The following SMYD3 variants were observed in gnomAD, a reference collection of about 807,000 sequenced individuals.
SMYD3 encodes SET and MYND domain containing 3, also known as histone-lysine N-methyltransferase SMYD3.
SMYD3 carries 36 observed loss-of-function variants against 57.7 expected under a neutral mutation model. The observed-to-expected ratio is 0.62, with a 90% confidence interval of 0.48 to 0.82. The LOEUF (loss-of-function observed/expected upper bound fraction) is 0.82, where lower values mean the gene tolerates loss of function less well. SMYD3 is among the 40% of genes least tolerant of loss of function. The pLI is 0.00. For synonymous variants in SMYD3, 211 were observed against 195.0 expected (o/e 1.08, Z -0.68); for missense variants, 515 against 538.8 (o/e 0.96, Z 0.44).
At position 246,376,126 on chromosome 1, in the gene SMYD3, G is replaced by A. The variant is rs187842747; in HGVS notation, c.165-21032C>T. ...CTATTTTGACACGTGATAAAGGAAT[G>A]TCTGGAAAACAGATATGGTCTGATT... On this transcript the variant is annotated intron_variant, in intron 1 of 11. Transcript: ENST00000490107. Among the ~76,000 whole-genome samples the A allele has an allele frequency of 2.6e-5, 4 of 152,182 alleles. No homozygotes were observed. In the East Asian group the frequency reaches 7.7e-4, roughly 29 times the overall value.
chr1:246,503,346 G>A (rs143580313), intron 1 of SMYD3, among the ~76,000 whole-genome samples: 66 of 152,290 alleles, frequency 4.3e-4, no homozygotes, highest in Non-Finnish European at 4.4e-5. Flanking sequence ...TTTGCCAGAA[G>A]TAACTCTTGA....
intron 1 of SMYD3, 85 bp downstream of exon 1, chr1:246,506,969 G>C: frequency 8.0e-7 from 1 of 1,249,870 alleles, no homozygotes; most frequent in Non-Finnish European, 1.1e-6. Flanking sequence ...CAGGAGTCCC[G>C]CGGCTGCCGG....
chr1:245,966,582 T>TG (rs1377386652), intron 5 of SMYD3, among the ~76,000 whole-genome samples: 1 of 152,228 alleles, frequency 6.6e-6, no homozygotes, highest in Non-Finnish European at 1.5e-5. Context: ...ACTAAAATCA[T>TG]GGACTATTTC....
At chr1:245,844,274 A>G (rs1046305973) in intron 10 of SMYD3, among the ~76,000 whole-genome samples, 3 of 152,218 alleles carry the variant, frequency 2.0e-5, no homozygotes, top group African/African-American at 7.2e-5. Context: ...GGTCATCCTC[A>G]GCTAGAAACT....
At position 246,316,541 on chromosome 1, in the gene SMYD3, GTTTTTTT is replaced by G. The variant is rs112553747; in HGVS notation, c.531+10653_531+10659del. 5.0e-4 allele frequency among the ~76,000 whole-genome samples: 54 copies of G among 107,340 alleles called. No homozygotes were observed. The Admixed American group carries it at 5.3e-3, about 11-fold the overall frequency. The allele number at this position is 107,340 out of a possible 152,430, so 70.4% of individuals were successfully genotyped here. On this transcript the variant is annotated intron_variant, in intron 5 of 11. Transcript: ENST00000490107. Reference sequence around the variant, plus strand: ...CGCCCAGCTAATTTTTGTTGTTTTGGTTTTTTTTTTTTTTTTTTTTGTAGAGACGGAG... The same window carrying G: ...CGCCCAGCTAATTTTTGTTGTTTTGGTTTTTTTTTTTTTGTAGAGACGGAG...
At chr1:246,273,948 T>G (rs2064281568) in intron 5 of SMYD3, among the ~76,000 whole-genome samples, 1 of 152,190 alleles carries the variant, frequency 6.6e-6, no homozygotes, top group South Asian at 2.1e-4. Flanking sequence ...ATTTCCTTCC[T>G]TCTGCTAGCT....
chr1:246,328,851 C>A (rs1048433006), intron 4 of SMYD3, among the ~76,000 whole-genome samples: 1 of 151,928 alleles, frequency 6.6e-6, no homozygotes, highest in Non-Finnish European at 1.5e-5. Context: ...TCCCCCCACC[C>A]CACAACAGTC....
intron 8 of SMYD3, among the ~76,000 whole-genome samples, chr1:245,874,550 C>T (rs376187566): frequency 5.6e-4 from 86 of 152,300 alleles, no homozygotes; most frequent in African/African-American, 2.0e-3. Flanking sequence ...ATAGCGTCCC[C>T]TAAGTCTTCA....
chr1:246,189,050 C>G (rs2062692571), intron 5 of SMYD3: 1 of 152,010 alleles, frequency 6.6e-6, no homozygotes, highest in African/African-American at 2.4e-5. Context: ...GCATGTCACC[C>G]TTGTACAGGA....
intron 8 of SMYD3, among the ~76,000 whole-genome samples, chr1:245,880,960 C>T (rs184212919): frequency 1.5e-4 from 23 of 152,156 alleles, no homozygotes; most frequent in Admixed American, 9.8e-4. Flanking sequence ...ACATTGAGTA[C>T]GGATACCCAC....
At chr1:245,787,744 T>C (rs938777796) in intron 10 of SMYD3, among the ~76,000 whole-genome samples, 5 of 152,146 alleles carry the variant, frequency 3.3e-5, no homozygotes, top group African/African-American at 1.2e-4. Flanking sequence ...CAATTTTTAA[T>C]AGGTAAAATT....
rs59746333 is a variant in SMYD3 at position 245,921,572 on chromosome 1, C to CATATATATATAT, written c.703-5933_703-5932insATATATATATAT. ...GTGTATATATATATATATATATATA[C>CATATATATATAT]ACATACCATGGAATAGTATGCAGCC... On this transcript the variant is annotated intron_variant, in intron 7 of 11. Coordinates refer to ENST00000490107, the MANE Select transcript of SMYD3 (RefSeq NM_001167740.2). Among the ~76,000 whole-genome samples, 12 of 139,998 alleles carry CATATATATATAT rather than the reference C, an allele frequency of 8.6e-5. No homozygotes were observed. The South Asian group carries it at 3.1e-3, about 36-fold the overall frequency. The allele number at this position is 139,998 out of a possible 152,430, so 91.8% of individuals were successfully genotyped here.
chr1:245,968,877 C>T (rs2058222865), intron 5 of SMYD3, among the ~76,000 whole-genome samples: 2 of 152,106 alleles, frequency 1.3e-5, no homozygotes, highest in Admixed American at 1.3e-4. Flanking sequence ...GGCTTAGTTC[C>T]CAGTGCTGGT....
At chr1:246,043,273 C>T (rs975460714) in intron 5 of SMYD3, among the ~76,000 whole-genome samples, 1 of 152,190 alleles carries the variant, frequency 6.6e-6, no homozygotes, top group African/African-American at 2.4e-5. Flanking sequence ...CATGCATTGC[C>T]TTTATTCAGA....
intron 10 of SMYD3, among the ~76,000 whole-genome samples, chr1:245,813,473 C>G (rs1020026223): frequency 3.3e-5 from 5 of 152,072 alleles, no homozygotes; most frequent in Non-Finnish European, 7.3e-5. Flanking sequence ...GTTGTCTATG[C>G]TACAGAATCA....
intron 1 of SMYD3, among the ~76,000 whole-genome samples, chr1:246,413,880 C>G (rs2067016333): frequency 6.6e-6 from 1 of 152,166 alleles, no homozygotes; most frequent in African/African-American, 2.4e-5. Flanking sequence ...TAATACAATG[C>G]ACTAGCAAAT....
At chr1:245,783,065 A>C (rs1485115731) in intron 10 of SMYD3, among the ~76,000 whole-genome samples, 2 of 152,204 alleles carry the variant, frequency 1.3e-5, no homozygotes. Flanking sequence ...CTCAGCCAAT[A>C]TGTTTATTCC....
At chr1:246,213,311 T>C (rs900139058) in intron 5 of SMYD3, among the ~76,000 whole-genome samples, 3 of 152,100 alleles carry the variant, frequency 2.0e-5, no homozygotes, top group African/African-American at 7.2e-5. Flanking sequence ...AATACCTGCA[T>C]TATCAAAGGA....
intron 1 of SMYD3, among the ~76,000 whole-genome samples, chr1:246,365,600 T>G (rs1264365169): frequency 2.0e-5 from 3 of 151,976 alleles, no homozygotes; most frequent in African/African-American, 7.3e-5. Flanking sequence ...TGATGTAATT[T>G]TTTAATCTCC....
Sources: allele counts gnomAD v4.1 joint callset (sites outside exome capture counted in the v4.1 genomes callset), GRCh38; gene constraint gnomAD v4.1.1; transcripts MANE v1.5; gene names NCBI Gene and HGNC (gene_info 2026-07-23, HGNC 2026-07-21).